Variants in FER observed in about 807,000 individuals in gnomAD.
FER encodes tyrosine-protein kinase Fer.
Under a neutral mutation model 111.0 loss-of-function variants are expected in FER, and 63 were observed. That is an observed-to-expected ratio of 0.57 (90% CI 0.46 to 0.70). The LOEUF is 0.70. FER is among the 30% of genes least tolerant of loss of function. FER has a pLI of 0.00. For missense variants in FER, 914 were observed against 954.0 expected (o/e 0.96, Z 0.55); for synonymous variants, 327 against 313.9 (o/e 1.04, Z -0.44).
chr5:108,760,620 C>T (rs1288311812), intron 1 of FER, among the ~76,000 whole-genome samples: 1 of 152,168 alleles, frequency 6.6e-6, no homozygotes, highest in Non-Finnish European at 1.5e-5. Context: ...CTCTTTCCTT[C>T]AGCCTCATGA....
intron 8 of FER, among the ~76,000 whole-genome samples, chr5:108,880,386 G>A (rs1234839772): frequency 6.6e-6 from 1 of 152,160 alleles, no homozygotes; most frequent in Non-Finnish European, 1.5e-5. Flanking sequence ...AGACTTGGGT[G>A]TCAGAAAGTG....
intron 17 of FER, among the ~76,000 whole-genome samples, chr5:109,112,146 T>G (rs538305247): frequency 2.2e-4 from 33 of 150,796 alleles, no homozygotes; most frequent in African/African-American, 6.8e-4. Context: ...TGTTTGTTTG[T>G]TTTTTTTTAG....
intron 13 of FER, among the ~76,000 whole-genome samples, chr5:108,962,787 A>T (rs1208544627): frequency 6.6e-6 from 1 of 152,224 alleles, no homozygotes; most frequent in Admixed American, 6.5e-5. Flanking sequence ...GCTATAAAAT[A>T]TTATGAATGA....
chr5:108,924,536 T>C lies in FER; in HGVS notation c.1237-21594T>C, dbSNP rs926708863. On this transcript the variant is annotated intron_variant, in intron 10 of 19. Transcript: ENST00000281092. ...ATACTTCCATGCCAACAGGGGGAGA[T>C]AGTATGAAATAGGAGATCCAGATTT... The C allele has an allele frequency of 1.7e-5, 18 of 1,087,354 alleles. No homozygotes were observed. The African/African-American group carries it at 2.8e-4, about 17-fold the overall frequency. The allele number at this position is 1,087,354 out of a possible 1,614,324, so 67.4% of individuals were successfully genotyped here.
chr5:109,181,076 A>G (rs896144292), intron 18 of FER, among the ~76,000 whole-genome samples, 175 bp downstream of exon 18: 2 of 152,220 alleles, frequency 1.3e-5, no homozygotes, highest in Non-Finnish European at 1.5e-5. Context: ...TCAGATTTCT[A>G]TATGTAACAT....
chr5:108,780,785 G>T (rs560637678), intron 2 of FER, among the ~76,000 whole-genome samples: 1 of 149,832 alleles, frequency 6.7e-6, no homozygotes, highest in Non-Finnish European at 1.5e-5. Flanking sequence ...ACCTTTTTTA[G>T]TTGTCCCACA....
At chr5:108,752,227 C>T (rs777182612) in intron 1 of FER, among the ~76,000 whole-genome samples, 1 of 151,996 alleles carries the variant, frequency 6.6e-6, no homozygotes, top group Non-Finnish European at 1.5e-5. Context: ...CTTCCTCCTT[C>T]CCTTTTTTTA....
At chr5:108,864,574 A>G (rs1763846304) in intron 5 of FER, among the ~76,000 whole-genome samples, 1 of 152,126 alleles carries the variant, frequency 6.6e-6, no homozygotes, top group African/African-American at 2.4e-5. Flanking sequence ...CTTTCTACAT[A>G]TGGCTAGCCA....
At chr5:109,059,452 C>T (rs564548588) in intron 16 of FER, among the ~76,000 whole-genome samples, 13 of 152,180 alleles carry the variant, frequency 8.5e-5, no homozygotes, top group Middle Eastern at 3.4e-3. Flanking sequence ...CGCTTGAACC[C>T]GGGAGGCGGA....
intron 16 of FER, among the ~76,000 whole-genome samples, chr5:109,054,684 A>G (rs1199806238): frequency 6.7e-6 from 1 of 148,882 alleles, no homozygotes; most frequent in Non-Finnish European, 1.5e-5. Context: ...AGGTCCTAAA[A>G]GTTGTTTCTT....
intron 1 of FER, among the ~76,000 whole-genome samples, chr5:108,748,796 G>A (rs1195039044): frequency 2.6e-5 from 4 of 152,236 alleles, no homozygotes; most frequent in African/African-American, 4.8e-5. Flanking sequence ...GTGGAGGAGG[G>A]GGCTGAGGGC....
intron 3 of FER, among the ~76,000 whole-genome samples, chr5:108,818,978 CA>C (rs1181822153): frequency 6.6e-6 from 1 of 151,894 alleles, no homozygotes; most frequent in African/African-American, 2.4e-5. Context: ...AATTTGTAAC[CA>C]GTTTAATAAT....
intron 10 of FER, among the ~76,000 whole-genome samples, chr5:108,902,830 T>G (rs1292171138): frequency 6.6e-6 from 1 of 152,120 alleles, no homozygotes; most frequent in Non-Finnish European, 1.5e-5. Flanking sequence ...GAGGGTGAAC[T>G]CTGTTGACTC....
chr5:109,057,282 C>A (rs1456721787), intron 16 of FER, among the ~76,000 whole-genome samples: 3 of 152,096 alleles, frequency 2.0e-5, no homozygotes, highest in African/African-American at 7.2e-5. Context: ...ATATAGATAG[C>A]AGCAGAAATC....
At chr5:108,866,617 T>A (rs1764095018) in intron 5 of FER, among the ~76,000 whole-genome samples, 1 of 151,836 alleles carries the variant, frequency 6.6e-6, no homozygotes, top group African/African-American at 2.4e-5. Flanking sequence ...AACTGATGCC[T>A]TGACACCAAT....
intron 1 of FER, among the ~76,000 whole-genome samples, chr5:108,765,474 C>T (rs1445301282): frequency 6.6e-6 from 1 of 152,046 alleles, no homozygotes; most frequent in Non-Finnish European, 1.5e-5. Context: ...TGCTTGAGTA[C>T]AGTGATGTGA....
In FER at chr5:108,785,097, C is replaced by T. The variant is rs879078230; in HGVS notation, c.-59-13027C>T. The T allele has an allele frequency of 6.7e-6, 3 of 450,850 alleles. 1 individual carries two copies. Among genetic ancestry groups the T allele is most frequent in the Non-Finnish European group, 4.2e-6 (1 of 237,798 alleles). The allele number at this position is 450,850 out of a possible 1,614,324, so 27.9% of individuals were successfully genotyped here. On this transcript the variant is annotated intron_variant, in intron 2 of 19. Coordinates refer to ENST00000281092, the MANE Select transcript of FER (RefSeq NM_005246.4). ...TTGCCTAACAGCAGCAACCCTATCACTGTCTCCTGTAGCTGGGACAAGCTG... is the reference window on the plus strand; with the variant it reads ...TTGCCTAACAGCAGCAACCCTATCATTGTCTCCTGTAGCTGGGACAAGCTG...
At chr5:109,122,213 A>C (rs1227052471) in intron 17 of FER, among the ~76,000 whole-genome samples, 8 of 152,130 alleles carry the variant, frequency 5.3e-5, no homozygotes, top group Non-Finnish European at 5.9e-5. Context: ...TTACAGCTCT[A>C]AACTTCCCTC....
In FER at chr5:108,882,031, G is replaced by C. The variant is rs563540369; in HGVS notation, c.924-1365G>C. Among the ~76,000 whole-genome samples, 35 of 152,136 alleles carry C rather than the reference G, an allele frequency of 2.3e-4. No individual in the cohort carries two copies. In the South Asian group the frequency reaches 6.4e-3, roughly 28 times the overall value. The stretch of plus-strand genomic sequence containing the variant: ...TGTATCTTAGAAAAACCTTATATAT[G>C]TGTACCTAATTCTGTTTTAGTGACT... On this transcript the variant is annotated intron_variant, in intron 8 of 19. Transcript: ENST00000281092.
Sources: gnomAD v4.1 joint callset for allele counts (sites outside exome capture counted in the v4.1 genomes callset) on GRCh38, gnomAD v4.1.1 for gene constraint, MANE v1.5 for transcripts, NCBI Gene and HGNC (gene_info 2026-07-23, HGNC 2026-07-21) for gene names.